ALOX12: variants seen among roughly 807,000 people sequenced by gnomAD.
ALOX12 encodes arachidonate 12-lipoxygenase, 12S type, also known as polyunsaturated fatty acid lipoxygenase ALOX12.
In ALOX12, 62 loss-of-function variants were observed where a neutral mutation model predicts 85.5. The ratio of observed to expected loss-of-function variants is 0.73; its 90% CI spans 0.59 to 0.90. ALOX12 has a LOEUF of 0.90. Among genes scored for constraint, ALOX12 ranks in the 40% least tolerant of loss-of-function variants. ALOX12 has a pLI of 0.00. For synonymous variants in ALOX12, 299 were observed against 332.7 expected, an observed-to-expected ratio of 0.90 and a Z score of 1.10; for missense variants, 751 against 856.5, an observed-to-expected ratio of 0.88 and a Z score of 1.54.
chr17:7,009,679 C>A, intron 11 of ALOX12, 68 bp from the exon 12 acceptor site: 1 of 1,366,474 alleles, frequency 7.3e-7, no homozygotes, highest in Non-Finnish European at 1.0e-6. Flanking sequence ...ATGGGCATCC[C>A]AAAACAACAG....
At position 7,007,448 on chromosome 17, in the gene ALOX12, G is replaced by A. The variant is rs957892911; in HGVS notation, c.1540+841G>A. Among the ~76,000 whole-genome samples, 10 of 152,280 alleles carry A rather than the reference G, an allele frequency of 6.6e-5. No individual in the cohort carries two copies. The South Asian group carries it at 1.0e-3, about 16-fold the overall frequency. ...ACATTTACTGGGGAGCCCTTATGGC[G>A]AATCCTGGGAATGTGGCAAACCTCC... is the stretch of plus-strand genomic sequence containing the variant. On this transcript the variant is annotated intron_variant, in intron 11 of 13. Transcript: ENST00000251535.
At chr17:7,007,248 C>T (rs1184907286) in intron 11 of ALOX12, among the ~76,000 whole-genome samples, 1 of 152,206 alleles carries the variant, frequency 6.6e-6, no homozygotes, top group Non-Finnish European at 1.5e-5. Context: ...TACCTTTAGT[C>T]AACTCTCACT....
In ALOX12 at chr17:7,010,246, G is replaced by A; in HGVS notation, c.1815G>A (p.Val605=). ...WHLSRRQPDM[V]PLGHHKEKYF... ...ACTGATCCTTTGTTCTGTCTCAGGT[G>A]CCTCTGGGGCACCACAAAGAAAAAT... Residue 605 remains valine (V), a splice_region_variant and synonymous_variant, in exon 14 of 14, where the codon GTG becomes GTA. Coordinates refer to ENST00000251535, the MANE Select transcript of ALOX12 (RefSeq NM_000697.3). The A allele has an allele frequency of 6.2e-7, 1 of 1,613,222 alleles. No individual in the cohort carries two copies.
chr17:7,004,059 T>A (rs1164013736), intron 8 of ALOX12, among the ~76,000 whole-genome samples: 2 of 39,172 alleles, frequency 5.1e-5, no homozygotes, highest in South Asian at 4.3e-3. Context: ...TATTTTTAAT[T>A]TAATAAATTT....
Position 6,998,495 on chromosome 17 carries a change from T to G in ALOX12, c.338-14T>G. The G allele has an allele frequency of 6.3e-7, 1 of 1,599,084 alleles. No individual in the cohort carries two copies. The highest frequency in any genetic ancestry group is 1.1e-5 in the South Asian group (1 of 90,012). ...GACAGAGCCGTGAGGCCAATTGTCT[T>G]GATGTCTCCCCAGCCCGCCTGCCAG... On this transcript the variant is annotated splice_polypyrimidine_tract_variant and intron_variant, in intron 2 of 13. Transcript: ENST00000251535.
At chr17:7,009,358 C>T (rs1308916938) in intron 11 of ALOX12, 7 of 196,092 alleles carry the variant, frequency 3.6e-5, no homozygotes, top group Non-Finnish European at 6.4e-5. Context: ...CGCGCCCGGC[C>T]GCATCCCTCA....
chr17:6,997,317 G>A (rs1291345535), intron 2 of ALOX12, among the ~76,000 whole-genome samples: 1 of 152,108 alleles, frequency 6.6e-6, no homozygotes, highest in East Asian at 1.9e-4. Context: ...CAGCGATCCA[G>A]GAAAACAGAG....
chr17:7,009,703 C>T (rs193260763), intron 11 of ALOX12, 44 bp from the exon 12 acceptor site: 618 of 1,516,866 alleles, frequency 4.1e-4, no homozygotes, highest in Non-Finnish European at 5.3e-4. Context: ...TTGTTCCTCT[C>T]CTCTTATGCT....
Position 7,000,422 on chromosome 17 carries a change from C to T in ALOX12, c.894C>T (p.Ala298=). Residue 298 remains alanine, a synonymous_variant, in exon 7 of 14, where the codon GCC becomes GCT. Coordinates refer to ENST00000251535, the MANE Select transcript of ALOX12 (RefSeq NM_000697.3). This position sits in a 1 kb window ranked among gnomAD's most constrained non-coding sequence, Gnocchi z 4.6. ...GAGGAGAGAAGCAATACCTGGCTGC[C>T]CCCCTCGTTATGCTGAAGATGGAGC... is the stretch of plus-strand genomic sequence containing the variant. ...VIRGEKQYLA[A]PLVMLKMEPN... The T allele has an allele frequency of 6.2e-7, 1 of 1,614,084 alleles. No homozygotes were observed. Among genetic ancestry groups the T allele is most frequent in the Non-Finnish European group, 8.5e-7 (1 of 1,179,996 alleles).
chr17:7,001,413 C>G (rs1469656409), intron 7 of ALOX12, 189 bp from the exon 8 acceptor site: 1 of 627,448 alleles, frequency 1.6e-6, no homozygotes, highest in African/African-American at 1.8e-5. Context: ...CTTCCAGTCC[C>G]TCCTGCCTTC....
chr17:7,005,497 T>C (rs971797120), intron 9 of ALOX12, among the ~76,000 whole-genome samples, 154 bp downstream of exon 9: 1 of 147,636 alleles, frequency 6.8e-6, no homozygotes, highest in Non-Finnish European at 1.5e-5. Context: ...TTTTTTTTTT[T>C]TGAGACAGAG....
At chr17:7,004,521 T>C (rs1908941608) in intron 8 of ALOX12, among the ~76,000 whole-genome samples, 1 of 147,952 alleles carries the variant, frequency 6.8e-6, no homozygotes, top group African/African-American at 2.4e-5. Context: ...AAATTTAATA[T>C]TAAATTTTAA....
chr17:7,006,463 A>G, intron 10 of ALOX12, 23 bp from the exon 11 acceptor site: 2 of 1,612,922 alleles, frequency 1.2e-6, no homozygotes, highest in Non-Finnish European at 1.7e-6. Flanking sequence ...TTCTGCCCTC[A>G]AGTGCCTTTT....
intron 6 of ALOX12, 178 bp downstream of exon 6, chr17:6,999,644 C>T (rs535721539): frequency 1.1e-4 from 68 of 633,906 alleles, no homozygotes; most frequent in Non-Finnish European, 1.7e-4. Flanking sequence ...GAGGAGCTCC[C>T]AGCAGGAAGG....
At position 7,005,348 on chromosome 17, in the gene ALOX12, G is replaced by A; in HGVS notation, c.1248+5G>A. On this transcript the variant is annotated splice_donor_5th_base_variant and intron_variant, in intron 9 of 13. Transcript: ENST00000251535. The stretch of plus-strand genomic sequence containing the variant: ...GATGGAGGAATTTTTGATAAGGTGA[G>A]GAGGGTACGGGGCATGGGACTGCCT... 1 of 1,607,890 alleles carries A rather than the reference G, an allele frequency of 6.2e-7. No homozygotes were observed. Among genetic ancestry groups the A allele is most frequent in the South Asian group, 1.1e-5 (1 of 90,960 alleles).
chr17:7,005,327 G>T lies in ALOX12; in HGVS notation c.1232G>T (p.Gly411Val), dbSNP rs755436712. ...GCCCGGACCCAACTCATCTCAGATG[G>T]AGGAATTTTTGATAAGGTGAGGAGG... is the stretch of plus-strand genomic sequence containing the variant. ...TRARTQLISD[G>V]GIFDKAVSTG... The change falls in exon 9 of 14, where the codon GGA becomes GTA. Residue 411 changes from glycine to valine, a missense_variant. Transcript: ENST00000251535. 28 of 1,613,326 alleles carry T rather than the reference G, an allele frequency of 1.7e-5. No homozygotes were observed. The South Asian group carries it at 3.1e-4, about 18-fold the overall frequency.
Position 7,010,527 on chromosome 17 carries a change from T to A in ALOX12, c.*104T>A. 7.2e-7 allele frequency: 1 copy of A among 1,390,554 alleles called. No individual in the cohort carries two copies. Among genetic ancestry groups the A allele is most frequent in the Non-Finnish European group, 9.6e-7 (1 of 1,040,232 alleles). The allele number at this position is 1,390,554 out of a possible 1,614,324, so 86.1% of individuals were successfully genotyped here. A position where few individuals can be genotyped will look rare whatever the true frequency, so the allele number is the denominator to read the frequency against. On this transcript the variant is annotated 3_prime_UTR_variant, in exon 14 of 14. Coordinates refer to ENST00000251535, the MANE Select transcript of ALOX12 (RefSeq NM_000697.3). ...AAAGTCTCTGCTGCTAAGGCTCTAT[T>A]TCCTCCCCCAGTTAAACCCCCTACA...
chr17:6,996,391 C>A, intron 1 of ALOX12, 139 bp downstream of exon 1: 1 of 1,054,912 alleles, frequency 9.5e-7, no homozygotes, highest in Non-Finnish European at 1.2e-6. Context: ...TTCCACGAAG[C>A]TGGGACGAGG....
rs774277478 is a variant in ALOX12, at chr17:7,005,362, A to G, written c.1248+19A>G. On this transcript the variant is annotated intron_variant, in intron 9 of 13. Coordinates refer to ENST00000251535, the MANE Select transcript of ALOX12 (RefSeq NM_000697.3). ...TGATAAGGTGAGGAGGGTACGGGGC[A>G]TGGGACTGCCTCATCCATCTCTCCA... The G allele has an allele frequency of 1.9e-6, 3 of 1,588,880 alleles. No homozygotes were observed. The highest frequency in any genetic ancestry group is 1.1e-5 in the South Asian group (1 of 90,574).
Sources: allele counts gnomAD v4.1 joint callset (sites outside exome capture counted in the v4.1 genomes callset), GRCh38; gene constraint gnomAD v4.1.1; non-coding constraint Gnocchi (gnomAD v3.1); transcripts MANE v1.5; gene names NCBI Gene and HGNC (gene_info 2026-07-23, HGNC 2026-07-21).